Variants in NUP214 observed in about 807,000 individuals in gnomAD.
The protein encoded by NUP214 is nuclear pore complex protein Nup214.
NUP214 carries 79 observed loss-of-function variants against 196.2 expected under a neutral mutation model. The ratio of observed to expected loss-of-function variants is 0.40; its 90% CI spans 0.34 to 0.49. The LOEUF (loss-of-function observed/expected upper bound fraction) is 0.49, where lower values mean the gene tolerates loss of function less well. Among genes scored for constraint, NUP214 ranks in the 20% least tolerant of loss-of-function variants. The pLI is 0.58. For missense variants in NUP214, 2,468 were observed against 2,539.0 expected, an observed-to-expected ratio of 0.97 and a Z score of 0.60; for synonymous variants, 1,020 against 990.5, an observed-to-expected ratio of 1.03 and a Z score of -0.56.
chr9:131,158,622 C>T (rs948337885), intron 17 of NUP214, among the ~76,000 whole-genome samples: 1 of 152,156 alleles, frequency 6.6e-6, no homozygotes, highest in African/African-American at 2.4e-5. Flanking sequence ...GAATTACTTT[C>T]AGCACCGTTT....
At chr9:131,181,910 C>G (rs1038072023) in intron 24 of NUP214, among the ~76,000 whole-genome samples, 1 of 152,122 alleles carries the variant, frequency 6.6e-6, no homozygotes, top group African/African-American at 2.4e-5. Flanking sequence ...AGATTTACAC[C>G]GATGTTTTCT....
rs758042293 is a variant in NUP214 at position 131,151,827 on chromosome 9, G to A, written c.2369G>A (p.Arg790His). 35 of 1,613,404 alleles carry A rather than the reference G, an allele frequency of 2.2e-5. No individual in the cohort carries two copies. The highest frequency in any genetic ancestry group is 3.3e-5 in the Admixed American group (2 of 59,972). The part of the protein sequence containing the change: ...EEAREQNERN[R>H]DSGYLHLLYK... ...GCCAGAGAACAAAATGAAAGAAATC[G>A]TGACTCTGGTTATCTGCATTTGCTT... The change falls in exon 17 of 36, where the codon CGT becomes CAT. Residue 790 changes from arginine to histidine, a missense_variant. Arg to His is a conservative substitution (Grantham distance 29). This residue lies in a region of NUP214 where 1,801 missense variants were observed against 1,779.4 expected (regional missense o/e 1.01). Coordinates refer to ENST00000359428, the MANE Select transcript of NUP214 (RefSeq NM_005085.4).
chr9:131,232,651 G>T lies in NUP214; in HGVS notation c.6239+343G>T. On this transcript the variant is annotated intron_variant, in intron 35 of 35. Transcript: ENST00000359428. The surrounding 1 kb of genome is among the most constrained non-coding windows in gnomAD (Gnocchi z 5.1). Reference sequence around the variant, plus strand: ...AGCTGCATGCTAACCCCTGGGCTCTGGGCCATCACCAGGTCTCATGTGTTG... The same window carrying T: ...AGCTGCATGCTAACCCCTGGGCTCTTGGCCATCACCAGGTCTCATGTGTTG... 1 of 414,414 alleles carries T rather than the reference G, an allele frequency of 2.4e-6. No individual in the cohort carries two copies. Among genetic ancestry groups the T allele is most frequent in the Non-Finnish European group, 4.5e-6 (1 of 222,650 alleles). 25.7% of individuals were successfully genotyped at this position (414,414 alleles called of 1,614,324 possible).
At chr9:131,192,435 G>T in intron 27 of NUP214, 143 bp downstream of exon 27, 1 of 505,110 alleles carries the variant, frequency 2.0e-6, no homozygotes, top group South Asian at 3.5e-5. Flanking sequence ...GATGATAGTG[G>T]CAATAGTTTA....
intron 33 of NUP214, chr9:131,229,829 A>G (rs771007921): frequency 8.0e-6 from 4 of 498,564 alleles, no homozygotes; most frequent in Non-Finnish European, 1.6e-5. Context: ...ATTAAAAGTG[A>G]ATAGAATGGT....
rs144041476 is a variant in NUP214 at position 131,197,892 on chromosome 9, A to G, written c.4398A>G (p.Thr1466=). The G allele has an allele frequency of 1.3e-4, 217 of 1,613,696 alleles. 1 individual carries two copies. Among genetic ancestry groups the G allele is most frequent in the Non-Finnish European group, 1.7e-4 (199 of 1,179,986 alleles). The change falls in exon 29 of 36, where the codon ACA becomes ACG. Residue 1466 remains threonine (T), a synonymous_variant. Transcript: ENST00000359428. ...CTACAGCTGCCACTCCCCTTCCAAC[A>G]TCATTCCCCACATTGTCATTTGGTA... ...PPTTAATPLP[T]SFPTLSFGSL...
intron 19 of NUP214, chr9:131,163,422 C>T: frequency 2.1e-6 from 1 of 487,542 alleles, no homozygotes; most frequent in South Asian, 3.1e-5. Flanking sequence ...GAAATGGGTG[C>T]TGAATATATC....
intron 29 of NUP214, 31 bp downstream of exon 29, chr9:131,199,046 T>C: frequency 6.5e-7 from 1 of 1,549,534 alleles, no homozygotes; most frequent in East Asian, 2.3e-5. Context: ...TTTACTTGTT[T>C]CCCTCTCTGC....
intron 16 of NUP214, 109 bp from the exon 17 acceptor site, chr9:131,151,627 T>C (rs1224436517): frequency 8.3e-6 from 6 of 721,298 alleles, no homozygotes; most frequent in South Asian, 2.2e-5. Context: ...TATGTTCAGA[T>C]GTTCATTCTG....
intron 16 of NUP214, 152 bp from the exon 17 acceptor site, chr9:131,151,584 A>G: frequency 1.8e-6 from 1 of 552,494 alleles, no homozygotes; most frequent in Non-Finnish European, 3.2e-6. Context: ...GTGTCGTTCT[A>G]AACAGTTAAA....
Position 131,128,385 on chromosome 9 carries a change from G to T in NUP214, c.295G>T (p.Ala99Ser), listed in dbSNP as rs1564175470. The T allele has an allele frequency of 6.2e-7, 1 of 1,613,398 alleles. No individual in the cohort carries two copies. The highest frequency in any genetic ancestry group is 8.5e-7 in the Non-Finnish European group (1 of 1,179,536). ...TATGAAATTCCCAATCCATCACCTG[G>T]CCTTGAGCTGTGATAACCTCACACT... ...VPMKFPIHHL[A>S]LSCDNLTLSA... The change falls in exon 3 of 36, where the codon GCC (alanine) becomes TCC (serine). Residue 99 changes from alanine to serine, a missense_variant. Ala to Ser is a moderately conservative substitution (Grantham distance 99). Transcript: ENST00000359428.
intron 21 of NUP214, among the ~76,000 whole-genome samples, chr9:131,168,871 G>A (rs554986838): frequency 5.4e-4 from 82 of 152,038 alleles, no homozygotes; most frequent in African/African-American, 1.6e-3. Context: ...ATTATAAATC[G>A]TTTATCCCTA....
chr9:131,126,002 G>C, intron 1 of NUP214: 1 of 535,114 alleles, frequency 1.9e-6, no homozygotes, highest in Non-Finnish European at 3.3e-6. Flanking sequence ...CACAATAGTG[G>C]CAATAACTGC....
At chr9:131,218,714 A>G (rs1834473551) in intron 31 of NUP214, among the ~76,000 whole-genome samples, 1 of 151,992 alleles carries the variant, frequency 6.6e-6, no homozygotes, top group South Asian at 2.1e-4. Context: ...GACTGCATTT[A>G]TTTTGCCCCT....
chr9:131,133,794 A>G (rs1831633579), intron 7 of NUP214: 1 of 152,148 alleles, frequency 6.6e-6, no homozygotes, highest in Non-Finnish European at 1.5e-5. Flanking sequence ...AATTTTAGAA[A>G]AGCAAGACAG....
intron 25 of NUP214, among the ~76,000 whole-genome samples, chr9:131,188,679 T>C (rs892454142): frequency 5.9e-5 from 9 of 152,252 alleles, no homozygotes; most frequent in African/African-American, 2.2e-4. Context: ...TTTAACCTTA[T>C]TGTACATGCT....
At chr9:131,165,257 G>A (rs1365740974) in intron 21 of NUP214, 2 of 152,074 alleles carry the variant, frequency 1.3e-5, no homozygotes, top group South Asian at 2.1e-4. Flanking sequence ...ACTCCAGCCT[G>A]AGCAACAGAA....
intron 30 of NUP214, among the ~76,000 whole-genome samples, chr9:131,210,791 GAA>G (rs1041990028): frequency 1.3e-5 from 2 of 151,934 alleles, no homozygotes; most frequent in Non-Finnish European, 2.9e-5. Flanking sequence ...CAGAGAGATG[GAA>G]AAAAAATGGA....
rs76667556 is a variant in NUP214, at chr9:131,134,654, A to G, written c.832-244A>G. ...CACATGAGAACACTAAGTATCAGGAAGGTTGAAAAATCTGCATGTCTCGTG... is the reference window on the plus strand; with the variant it reads ...CACATGAGAACACTAAGTATCAGGAGGGTTGAAAAATCTGCATGTCTCGTG... On this transcript the variant is annotated intron_variant, in intron 7 of 35. Coordinates refer to ENST00000359428, the MANE Select transcript of NUP214 (RefSeq NM_005085.4). Among the ~76,000 whole-genome samples, 56 of 152,306 alleles carry G rather than the reference A, an allele frequency of 3.7e-4. 1 individual carries two copies. In the East Asian group the frequency reaches 8.7e-3, roughly 24 times the overall value.
Sources: gnomAD v4.1 joint callset for allele counts (sites outside exome capture counted in the v4.1 genomes callset) on GRCh38, gnomAD v4.1.1 for gene constraint, gnomAD v4.1.1 regional missense constraint, Gnocchi (gnomAD v3.1) non-coding constraint, MANE v1.5 for transcripts, NCBI Gene and HGNC (gene_info 2026-07-23, HGNC 2026-07-21) for gene names.